The following OR1J2 variants were observed in gnomAD, a reference collection of about 807,000 sequenced individuals.
OR1J2 encodes the protein olfactory receptor family 1 subfamily J member 2, also known as olfactory receptor 1J2.
For missense variants in OR1J2, 304 were observed against 246.1 expected, an observed-to-expected ratio of 1.24 and a Z score of -1.57; for synonymous variants, 142 against 99.7, an observed-to-expected ratio of 1.42 and a Z score of -2.52.
chr9:122,568,196 G>A, the OR1J2 span: 1 of 1,614,228 alleles, frequency 6.2e-7, no homozygotes, highest in Admixed American at 1.7e-5. Context: ...ACCCAGCATA[G>A]GAGATGGTCT....
the OR1J2 span, among the ~76,000 whole-genome samples, chr9:122,534,117 G>A: frequency 6.6e-6 from 1 of 152,134 alleles, no homozygotes; most frequent in Non-Finnish European, 1.5e-5. Flanking sequence ...GGGGGAGGCG[G>A]GCCTGGAGGA....
At chr9:122,551,108 CTAA>C in the OR1J2 span, among the ~76,000 whole-genome samples, 1 of 152,120 alleles carries the variant, frequency 6.6e-6, no homozygotes, top group African/African-American at 2.4e-5. Flanking sequence ...TTTCTACACA[CTAA>C]TAACAATCAA....
chr9:122,527,130 G>C, the OR1J2 span: 1 of 1,614,240 alleles, frequency 6.2e-7, no homozygotes, highest in Non-Finnish European at 8.5e-7. Context: ...GTACATGGGG[G>C]TGTGGAGGTG....
chr9:122,554,993 ATAT>A, the OR1J2 span, among the ~76,000 whole-genome samples: 2,930 of 152,278 alleles, frequency 0.019, 87 homozygotes, highest in African/African-American at 0.066. Flanking sequence ...GTGGAAACTG[ATAT>A]TATGAGAAGT....
the OR1J2 span, among the ~76,000 whole-genome samples, chr9:122,459,473 T>C: frequency 2.0e-5 from 3 of 152,236 alleles, no homozygotes; most frequent in Non-Finnish European, 2.9e-5. Context: ...TATTCACCAA[T>C]GAACCAGTGA....
the OR1J2 span, among the ~76,000 whole-genome samples, chr9:122,468,782 A>G: frequency 6.6e-6 from 1 of 152,140 alleles, no homozygotes; most frequent in Admixed American, 6.5e-5. Context: ...TTACACACTC[A>G]TCACACTTGG....
At chr9:122,460,864 A>AT in the OR1J2 span, among the ~76,000 whole-genome samples, 1 of 151,620 alleles carries the variant, frequency 6.6e-6, no homozygotes, top group Non-Finnish European at 1.5e-5. Flanking sequence ...TAATTTGTTT[A>AT]TTTTGCAGCT....
chr9:122,462,770 G>A, the OR1J2 span, among the ~76,000 whole-genome samples: 1 of 152,156 alleles, frequency 6.6e-6, no homozygotes, highest in Non-Finnish European at 1.5e-5. Flanking sequence ...CTAGCTTGTA[G>A]GGTTTCTTCT....
At chr9:122,478,023 G>T in the OR1J2 span, 1 of 822,408 alleles carries the variant, frequency 1.2e-6, no homozygotes, top group Non-Finnish European at 1.9e-6. Context: ...TAATAGAGAT[G>T]TTCTTTTGAC....
At chr9:122,538,665 A>G in the OR1J2 span, among the ~76,000 whole-genome samples, 1 of 152,264 alleles carries the variant, frequency 6.6e-6, no homozygotes, top group Non-Finnish European at 1.5e-5. Flanking sequence ...TTCTACTACT[A>G]TGTTGAATAG....
At chr9:122,557,514 AT>A in the OR1J2 span, among the ~76,000 whole-genome samples, 1 of 152,028 alleles carries the variant, frequency 6.6e-6, no homozygotes, top group Non-Finnish European at 1.5e-5. Context: ...AAATTAATTG[AT>A]TTTTAAGTGT....
the OR1J2 span, among the ~76,000 whole-genome samples, chr9:122,527,721 A>G: frequency 1.2e-3 from 186 of 152,346 alleles, no homozygotes; most frequent in African/African-American, 4.3e-3. Flanking sequence ...TGAAGGGCAT[A>G]TGAAGGACTC....
the OR1J2 span, among the ~76,000 whole-genome samples, chr9:122,465,653 C>T: frequency 6.6e-6 from 1 of 152,172 alleles, no homozygotes; most frequent in Non-Finnish European, 1.5e-5. Context: ...TATCTCAAAG[C>T]TTCTAAGTAC....
chr9:122,478,778 T>G, the OR1J2 span, among the ~76,000 whole-genome samples: 4 of 152,324 alleles, frequency 2.6e-5, no homozygotes, highest in South Asian at 2.1e-4. Flanking sequence ...TCTGATCTTT[T>G]TTTGTTTGTT....
chr9:122,560,265 G>A, the OR1J2 span, among the ~76,000 whole-genome samples: 2 of 152,006 alleles, frequency 1.3e-5, no homozygotes, highest in African/African-American at 4.8e-5. Flanking sequence ...ACACCAATAG[G>A]TCTTGACTCT....
chr9:122,472,188 T>A, the OR1J2 span, among the ~76,000 whole-genome samples: 4 of 152,228 alleles, frequency 2.6e-5, no homozygotes, highest in African/African-American at 9.6e-5. Context: ...TTGATCTGTA[T>A]GTTCTCCCCC....
At chr9:122,553,210 G>A in the OR1J2 span, 14 of 1,613,438 alleles carry the variant, frequency 8.7e-6, no homozygotes, top group Admixed American at 2.0e-4. Context: ...GAACTACAAG[G>A]GATGGGAAAA....
At chr9:122,556,479 G>C in the OR1J2 span, among the ~76,000 whole-genome samples, 1 of 151,922 alleles carries the variant, frequency 6.6e-6, no homozygotes, top group Non-Finnish European at 1.5e-5. Context: ...CTTAATTACT[G>C]CAGGCTTACA....
At chr9:122,546,114 C>T in the OR1J2 span, among the ~76,000 whole-genome samples, 34 of 152,200 alleles carry the variant, frequency 2.2e-4, no homozygotes, top group African/African-American at 7.9e-4. Context: ...TCTGAGAAAA[C>T]TCATTTTTAC....
Sources: allele counts gnomAD v4.1 joint callset (sites outside exome capture counted in the v4.1 genomes callset), GRCh38; gene constraint gnomAD v4.1.1; transcripts MANE v1.5; gene names NCBI Gene and HGNC (gene_info 2026-07-23, HGNC 2026-07-21).